The following SOX6 variants were observed in gnomAD, a reference collection of about 807,000 sequenced individuals.
SOX6 encodes the protein transcription factor SOX-6.
SOX6 carries 11 observed loss-of-function variants against 97.8 expected under a neutral mutation model. That is an observed-to-expected ratio of 0.11 (90% CI 0.07 to 0.19). The LOEUF (loss-of-function observed/expected upper bound fraction) is 0.19, where lower values mean the gene tolerates loss of function less well. Ranked by LOEUF, SOX6 falls within the 10% of genes least tolerant of loss-of-function variation. The pLI, the probability that SOX6 is intolerant of heterozygous loss-of-function variation, is 1.00. For missense variants in SOX6, 810 were observed against 1,039.5 expected (o/e 0.78, Z 3.04); for synonymous variants, 360 against 371.4 (o/e 0.97, Z 0.35).
intron 9 of SOX6, 34 bp from the exon 10 acceptor site, chr11:16,055,935 T>A: frequency 6.2e-7 from 1 of 1,611,068 alleles, no homozygotes; most frequent in Non-Finnish European, 8.5e-7. Context: ...TTGATCTCTT[T>A]AAATGCAGCT....
intron 3 of SOX6, among the ~76,000 whole-genome samples, chr11:16,284,923 C>T (rs1854687987): frequency 6.6e-6 from 1 of 152,084 alleles, no homozygotes; most frequent in Non-Finnish European, 1.5e-5. Context: ...GGTCTAAACA[C>T]TTTCTTATCT....
intron 2 of SOX6, among the ~76,000 whole-genome samples, chr11:16,334,024 T>C (rs1296655226): frequency 6.6e-6 from 1 of 152,158 alleles, no homozygotes; most frequent in African/African-American, 2.4e-5. Context: ...GAACATACAG[T>C]AATGTTGCAA....
chr11:15,984,569 T>C (rs977789263), intron 15 of SOX6, among the ~76,000 whole-genome samples: 1 of 152,254 alleles, frequency 6.6e-6, no homozygotes, highest in Non-Finnish European at 1.5e-5. Flanking sequence ...TCATAAATCC[T>C]CTAATTATCA....
intron 6 of SOX6, among the ~76,000 whole-genome samples, chr11:16,117,715 G>A (rs1409123539): frequency 6.6e-6 from 1 of 152,112 alleles, no homozygotes; most frequent in Non-Finnish European, 1.5e-5. Flanking sequence ...AGTGCTTAGG[G>A]CAGATGAAGA....
intron 6 of SOX6, among the ~76,000 whole-genome samples, chr11:16,181,473 T>A (rs896157231): frequency 6.6e-6 from 1 of 151,100 alleles, no homozygotes; most frequent in Non-Finnish European, 1.5e-5. Context: ...AGAAAGCATT[T>A]AAAATTAATC....
At chr11:16,045,917 T>C (rs918632000) in intron 12 of SOX6, among the ~76,000 whole-genome samples, 12 of 152,232 alleles carry the variant, frequency 7.9e-5, no homozygotes, top group Non-Finnish European at 1.2e-4. Flanking sequence ...TTCTTCATTG[T>C]CTGTGTTCTC....
chr11:16,058,171 T>C (rs747264157), intron 9 of SOX6, among the ~76,000 whole-genome samples: 1 of 152,122 alleles, frequency 6.6e-6, no homozygotes, highest in Non-Finnish European at 1.5e-5. Flanking sequence ...TTATACTCTA[T>C]GACAGAGTTT....
intron 6 of SOX6, among the ~76,000 whole-genome samples, chr11:16,129,090 A>G (rs1457322093): frequency 6.8e-6 from 1 of 147,722 alleles, no homozygotes; most frequent in East Asian, 2.0e-4. Context: ...CTGGTCTCGA[A>G]CTCCCGACCT....
chr11:16,219,528 G>A (rs1055291998), intron 4 of SOX6, among the ~76,000 whole-genome samples: 2 of 151,842 alleles, frequency 1.3e-5, no homozygotes, highest in South Asian at 4.2e-4. Flanking sequence ...ACAAGTAAAC[G>A]GAATAATTGC....
chr11:16,104,711 T>C (rs1327217732), intron 7 of SOX6, among the ~76,000 whole-genome samples: 1 of 151,576 alleles, frequency 6.6e-6, no homozygotes, highest in Non-Finnish European at 1.5e-5. Context: ...GCTCAATAAA[T>C]GCTAACTAAA....
At chr11:16,231,923 T>C (rs922968268) in intron 4 of SOX6, among the ~76,000 whole-genome samples, 1 of 151,804 alleles carries the variant, frequency 6.6e-6, no homozygotes, top group Non-Finnish European at 1.5e-5. Context: ...AAAATTAACA[T>C]AAGTATGCAT....
intron 3 of SOX6, among the ~76,000 whole-genome samples, chr11:16,277,576 A>G (rs1356541260): frequency 6.6e-6 from 1 of 152,164 alleles, no homozygotes; most frequent in Non-Finnish European, 1.5e-5. Context: ...TGGACTGCAC[A>G]ATAAAGTCTG....
chr11:16,047,346 A>G (rs1171427554), intron 11 of SOX6, among the ~76,000 whole-genome samples: 3 of 152,080 alleles, frequency 2.0e-5, no homozygotes, highest in African/African-American at 7.2e-5. Context: ...CAAGAGAATG[A>G]CAACCCATTC....
At chr11:16,560,039 C>A (rs965639657) in intron 4 of SOX6, among the ~76,000 whole-genome samples, 5 of 152,096 alleles carry the variant, frequency 3.3e-5, no homozygotes, top group Non-Finnish European at 2.9e-5. Context: ...ATTTTGATGC[C>A]TAATGTCAGA....
chr11:16,724,079 ATTAG>A (rs1430800943), intron 2 of SOX6, among the ~76,000 whole-genome samples: 4 of 152,228 alleles, frequency 2.6e-5, no homozygotes, highest in African/African-American at 9.6e-5. Context: ...ATAATAACTA[ATTAG>A]TTAATTGATA....
intron 2 of SOX6, among the ~76,000 whole-genome samples, chr11:16,732,138 C>T (rs932239352): frequency 9.9e-5 from 15 of 152,188 alleles, no homozygotes; most frequent in Non-Finnish European, 1.9e-4. Flanking sequence ...TAGGCAGAAT[C>T]AATATTGTGA....
intron 1 of SOX6, among the ~76,000 whole-genome samples, chr11:16,379,924 G>A (rs774667663): frequency 1.3e-5 from 2 of 151,656 alleles, no homozygotes; most frequent in Non-Finnish European, 2.9e-5. Flanking sequence ...AAAACAACAG[G>A]TGGTATCATA....
At chr11:16,242,370 G>A (rs905290615) in intron 3 of SOX6, among the ~76,000 whole-genome samples, 3 of 151,838 alleles carry the variant, frequency 2.0e-5, no homozygotes, top group African/African-American at 7.3e-5. Flanking sequence ...ATACCATGTA[G>A]GTTTGTGTAA....
chr11:16,101,447 T>G (rs932655052), intron 7 of SOX6, among the ~76,000 whole-genome samples: 1 of 151,716 alleles, frequency 6.6e-6, no homozygotes, highest in Non-Finnish European at 1.5e-5. Flanking sequence ...AATAGATCAA[T>G]GATGAAAAGA....
Sources: allele counts gnomAD v4.1 joint callset (sites outside exome capture counted in the v4.1 genomes callset), GRCh38; gene constraint gnomAD v4.1.1; transcripts MANE v1.5; gene names NCBI Gene and HGNC (gene_info 2026-07-23, HGNC 2026-07-21).